The following JAKMIP2 variants were observed in gnomAD, a reference collection of about 807,000 sequenced individuals.
JAKMIP2 encodes the protein janus kinase and microtubule-interacting protein 2.
In JAKMIP2, 25 loss-of-function variants were observed where a neutral mutation model predicts 115.0. The observed-to-expected ratio is 0.22, with a 90% CI of 0.16 to 0.30. The LOEUF is 0.30. Among genes scored for constraint, JAKMIP2 ranks in the 10% least tolerant of loss-of-function variants. JAKMIP2 has a pLI of 1.00. For missense variants in JAKMIP2, 642 were observed against 957.6 expected (o/e 0.67, Z 4.35); for synonymous variants, 334 against 343.6 (o/e 0.97, Z 0.31).
intron 1 of JAKMIP2, among the ~76,000 whole-genome samples, chr5:147,780,658 T>C (rs1755722517): frequency 1.3e-5 from 2 of 152,176 alleles, no homozygotes; most frequent in African/African-American, 4.8e-5. Flanking sequence ...TAACATGCTA[T>C]GAGCACATGC....
chr5:147,606,007 T>A (rs1485004277), intron 20 of JAKMIP2, among the ~76,000 whole-genome samples: 2 of 152,190 alleles, frequency 1.3e-5, no homozygotes, highest in East Asian at 3.8e-4. Flanking sequence ...TCACATCCTT[T>A]GCCCACTTTT....
rs1754919109 is a variant in JAKMIP2, at chr5:147,587,435, TGTGTG to T, written c.*4267_*4271del. On this transcript the variant is annotated 3_prime_UTR_variant, in exon 22 of 22. Coordinates refer to ENST00000616793, the MANE Select transcript of JAKMIP2 (RefSeq NM_001270941.2). The stretch of plus-strand genomic sequence containing the variant: ...TGCTCTGTGTGTGTGTGTGTGTGTG[TGTGTG>T]TTTGTGTGTGTATTCTGTGCCACTC... The T allele has an allele frequency of 6.6e-6, 1 of 152,078 alleles. No homozygotes were observed. Among genetic ancestry groups the T allele is most frequent in the Non-Finnish European group, 1.5e-5 (1 of 67,990 alleles). The allele number at this position is 152,078 out of a possible 1,614,324, so 9.4% of individuals were successfully genotyped here.
intron 1 of JAKMIP2, among the ~76,000 whole-genome samples, chr5:147,721,891 T>G: frequency 6.6e-6 from 1 of 152,120 alleles, no homozygotes; most frequent in East Asian, 1.9e-4. Context: ...AAAATTATAT[T>G]TCTTTCATAC....
At chr5:147,694,765 A>C (rs1384684422) in intron 1 of JAKMIP2, among the ~76,000 whole-genome samples, 1 of 152,254 alleles carries the variant, frequency 6.6e-6, no homozygotes, top group Non-Finnish European at 1.5e-5. Context: ...TTCATCTTTG[A>C]AAAATTTACT....
intron 13 of JAKMIP2, among the ~76,000 whole-genome samples, chr5:147,631,762 A>G (rs984450829): frequency 1.3e-5 from 2 of 152,174 alleles, no homozygotes; most frequent in African/African-American, 2.4e-5. Context: ...AAATGCAGGA[A>G]GTGGAGCTCC....
intron 1 of JAKMIP2, among the ~76,000 whole-genome samples, chr5:147,704,178 A>G (rs1752481231): frequency 6.6e-6 from 1 of 152,186 alleles, no homozygotes; most frequent in Admixed American, 6.6e-5. Flanking sequence ...ATAACAAGGA[A>G]GTATAGTATA....
chr5:147,750,775 T>C (rs972312121), intron 1 of JAKMIP2, among the ~76,000 whole-genome samples: 1 of 152,112 alleles, frequency 6.6e-6, no homozygotes, highest in South Asian at 2.1e-4. Context: ...TCTGATAATA[T>C]TGGTATCCTT....
rs572023393 is a variant in JAKMIP2, at chr5:147,754,215, A to C, written c.-149+28241T>G. Among the ~76,000 whole-genome samples, 10 of 152,258 alleles carry C rather than the reference A, an allele frequency of 6.6e-5. No individual in the cohort carries two copies. The South Asian group carries it at 2.1e-3, about 32-fold the overall frequency. On this transcript the variant is annotated intron_variant, in intron 1 of 21. Coordinates refer to ENST00000616793, the MANE Select transcript of JAKMIP2 (RefSeq NM_001270941.2). ...TTCAATTTTCAGCACAACAACCTCT[A>C]ATTTGTAACAAGGAGAAACATTTAA...
At chr5:147,657,767 G>A (rs566356288) in intron 3 of JAKMIP2, among the ~76,000 whole-genome samples, 1 of 151,750 alleles carries the variant, frequency 6.6e-6, no homozygotes, top group South Asian at 2.1e-4. Context: ...TTCAAATTCT[G>A]ATCTCCTTTC....
chr5:147,751,346 C>T (rs1190472849), intron 1 of JAKMIP2, among the ~76,000 whole-genome samples: 25 of 151,410 alleles, frequency 1.7e-4, no homozygotes, highest in Non-Finnish European at 3.7e-4. Flanking sequence ...GATCCGCCCT[C>T]CTCCGCCTCC....
intron 1 of JAKMIP2, among the ~76,000 whole-genome samples, chr5:147,745,569 G>A (rs530023255): frequency 3.0e-4 from 46 of 152,052 alleles, no homozygotes; most frequent in Non-Finnish European, 5.4e-4. Context: ...TCTGATATTT[G>A]ATTTTTATGG....
chr5:147,741,258 A>G (rs1416952742), intron 1 of JAKMIP2, among the ~76,000 whole-genome samples: 1 of 152,206 alleles, frequency 6.6e-6, no homozygotes, highest in Non-Finnish European at 1.5e-5. Context: ...TACATTTAAA[A>G]TAACTCCAAT....
At chr5:147,627,092 G>T (rs992913769) in intron 16 of JAKMIP2, among the ~76,000 whole-genome samples, 1 of 152,186 alleles carries the variant, frequency 6.6e-6, no homozygotes, top group African/African-American at 2.4e-5. Context: ...AAAACAGGGG[G>T]TGGGGAGTGG....
At chr5:147,637,397 A>C (rs1302555497) in intron 10 of JAKMIP2, among the ~76,000 whole-genome samples, 1 of 147,504 alleles carries the variant, frequency 6.8e-6, no homozygotes, top group Non-Finnish European at 1.5e-5. Flanking sequence ...TTTCTCTTTC[A>C]TGAAAGCCTT....
chr5:147,598,527 T>G (rs898813516), intron 21 of JAKMIP2, among the ~76,000 whole-genome samples: 2 of 152,154 alleles, frequency 1.3e-5, no homozygotes, highest in East Asian at 3.9e-4. Context: ...ACCTGACTAA[T>G]ACATTGATAT....
intron 1 of JAKMIP2, among the ~76,000 whole-genome samples, chr5:147,675,813 G>T (rs761315345): frequency 1.5e-4 from 20 of 136,204 alleles, no homozygotes; most frequent in Non-Finnish European, 2.9e-4. Flanking sequence ...TTTGTGACTG[G>T]CTTCTTCCAC....
At chr5:147,628,932 C>A in intron 15 of JAKMIP2, 116 bp from the exon 16 acceptor site, 1 of 647,926 alleles carries the variant, frequency 1.5e-6, no homozygotes, top group African/African-American at 1.8e-5. Flanking sequence ...AGAAACTTAA[C>A]AAATTCCTAT....
Position 147,627,484 on chromosome 5 carries a change from G to A in JAKMIP2, c.1995+1267C>T, listed in dbSNP as rs920981855. Among the ~76,000 whole-genome samples the A allele has an allele frequency of 2.1e-4, 32 of 152,072 alleles. 1 individual carries two copies. Among genetic ancestry groups the A allele is most frequent in the African/African-American group, 7.2e-4 (30 of 41,410 alleles). On this transcript the variant is annotated intron_variant, in intron 16 of 21. Transcript: ENST00000616793. ...ATAAGACTCAAATCCCAGAGGGTCT[G>A]TATGCCAAATTCTAAATTTGGACCT...
chr5:147,595,888 TA>T lies in JAKMIP2; in HGVS notation c.*21-4203del, dbSNP rs557658668. Among the ~76,000 whole-genome samples, 699 of 152,242 alleles carry T rather than the reference TA, an allele frequency of 4.6e-3. 5 individuals are homozygous for T. The highest frequency in any genetic ancestry group is 0.016 in the African/African-American group (669 of 41,552). On this transcript the variant is annotated intron_variant, in intron 21 of 21. Coordinates refer to ENST00000616793, the MANE Select transcript of JAKMIP2 (RefSeq NM_001270941.2). ...TACAATGAGAAAGAGTGACATTAAT[TA>T]AAAAAATGTGTATTTATATATATAT...
Sources: gnomAD v4.1 joint callset for allele counts (sites outside exome capture counted in the v4.1 genomes callset) on GRCh38, gnomAD v4.1.1 for gene constraint, MANE v1.5 for transcripts, NCBI Gene and HGNC (gene_info 2026-07-23, HGNC 2026-07-21) for gene names.